The following TXLNG variants were observed in gnomAD, a reference collection of about 807,000 sequenced individuals.
TXLNG encodes the protein taxilin gamma, also known as gamma-taxilin.
In TXLNG, 5 loss-of-function variants were observed where a neutral mutation model predicts 38.8. That is an observed-to-expected ratio of 0.13 (90% confidence interval 0.07 to 0.27). The LOEUF is 0.27. Among genes scored for constraint, TXLNG ranks in the 10% least tolerant of loss-of-function variants. The pLI, the probability that TXLNG is intolerant of heterozygous loss-of-function variation, is 1.00. For synonymous variants in TXLNG, 182 were observed against 158.2 expected, an observed-to-expected ratio of 1.15 and a Z score of -1.13; for missense variants, 393 against 398.2, an observed-to-expected ratio of 0.99 and a Z score of 0.11.
At chrX:16,828,671 G>A (rs921732528) in intron 4 of TXLNG, among the ~76,000 whole-genome samples, 4 of 112,107 alleles carry the variant, frequency 3.6e-5, no homozygotes, top group African/African-American at 6.5e-5. Context: ...TGAGCTCCTG[G>A]GTGGAGCATT....
At chrX:16,791,498 A>G (rs1464122421) in intron 1 of TXLNG, among the ~76,000 whole-genome samples, 1 of 112,713 alleles carries the variant, frequency 8.9e-6, no homozygotes, top group East Asian at 2.7e-4. Flanking sequence ...AACCAGATAC[A>G]GCATATTCTG....
chrX:16,792,647 G>A (rs1443484441), intron 1 of TXLNG, among the ~76,000 whole-genome samples: 1 of 109,770 alleles, frequency 9.1e-6, no homozygotes, highest in Admixed American at 9.9e-5. Context: ...TAGGCACATT[G>A]GTATGTGCCT....
chrX:16,834,239 T>C (rs1445360075), intron 6 of TXLNG, 44 bp from the exon 7 acceptor site: 1 of 1,080,932 alleles, frequency 9.3e-7, no homozygotes, highest in East Asian at 3.0e-5. Context: ...TAGTCCTGCT[T>C]GTAATTACCA....
rs1929953702 is a variant in TXLNG at position 16,843,579 on chromosome X, TA to T, written c.*1817del. On this transcript the variant is annotated 3_prime_UTR_variant, in exon 10 of 10. Transcript: ENST00000380122. ...TATAGATCAGAAATATAATCCACCT[TA>T]AAATTAGTACTAATGATCACATTAT... 8.9e-6 allele frequency: 1 copy of T among 111,861 alleles called. No individual in the cohort carries two copies. Among genetic ancestry groups the T allele is most frequent in the African/African-American group, 3.3e-5 (1 of 30,720 alleles). 9.2% of individuals were successfully genotyped at this position (111,861 alleles called of 1,213,427 possible). A position where few individuals can be genotyped will look rare whatever the true frequency, so the allele number is the denominator to read the frequency against.
At chrX:16,839,521 A>C (rs1240121380) in intron 8 of TXLNG, 1 of 157,530 alleles carries the variant, frequency 6.3e-6, no homozygotes, top group Non-Finnish European at 1.2e-5. Flanking sequence ...AACTGAGTTC[A>C]GAGTGTGGTG....
At chrX:16,838,898 C>T (rs1291864625) in intron 8 of TXLNG, among the ~76,000 whole-genome samples, 1 of 111,854 alleles carries the variant, frequency 8.9e-6, no homozygotes, top group African/African-American at 3.3e-5. Flanking sequence ...CAACCTAGGT[C>T]TTCCACCAGC....
intron 3 of TXLNG, among the ~76,000 whole-genome samples, chrX:16,825,807 G>A (rs1929145481): frequency 8.9e-6 from 1 of 111,954 alleles, no homozygotes; most frequent in Non-Finnish European, 1.9e-5. Flanking sequence ...GAGACCATAT[G>A]TGGCCTGCAG....
chrX:16,823,406 C>T (rs1267286273), intron 3 of TXLNG, among the ~76,000 whole-genome samples: 1 of 98,134 alleles, frequency 1.0e-5, no homozygotes, highest in Admixed American at 1.2e-4. Flanking sequence ...TGTGGTGAGC[C>T]GAGATCGTGC....
intron 4 of TXLNG, among the ~76,000 whole-genome samples, chrX:16,829,309 G>T (rs758118838): frequency 9.0e-6 from 1 of 111,535 alleles, no homozygotes; most frequent in African/African-American, 3.3e-5. Flanking sequence ...CTGTGTAACC[G>T]GCGAGTATTG....
rs749477458 is a variant in TXLNG at position 16,788,259 on chromosome X, GA to G, written c.102+1672del. 5.1e-3 allele frequency among the ~76,000 whole-genome samples: 570 copies of G among 112,263 alleles called. 5 individuals are homozygous for G. Among genetic ancestry groups the G allele is most frequent in the African/African-American group, 0.018 (550 of 30,933 alleles). On this transcript the variant is annotated intron_variant, in intron 1 of 9. Transcript: ENST00000380122. ...TAAGGACAAAAAGTCGTTGAATTAGGAACTGAGGTTTAATCAACTAGCATTT... is the reference window on the plus strand; with the variant it reads ...TAAGGACAAAAAGTCGTTGAATTAGGACTGAGGTTTAATCAACTAGCATTT...
chrX:16,833,985 C>T (rs1251509492), intron 6 of TXLNG, among the ~76,000 whole-genome samples: 1 of 112,103 alleles, frequency 8.9e-6, no homozygotes, highest in African/African-American at 3.2e-5. Flanking sequence ...TAATACTGTA[C>T]ATGTAATTAT....
Position 16,841,660 on chromosome X carries a change from A to G in TXLNG, c.1481A>G (p.Lys494Arg). ...DSHKELNTSS[K>R]RALGAHLEAE... ...CACAAGGAGCTGAACACTTCCTCGAAAAGAGCCCTGGGAGCGCACCTGGAG... is the reference window on the plus strand; with the variant it reads ...CACAAGGAGCTGAACACTTCCTCGAGAAGAGCCCTGGGAGCGCACCTGGAG... Residue 494 changes from lysine to arginine, a missense_variant, in exon 10 of 10, where the codon AAA (lysine) becomes AGA (arginine). Physicochemically the swap from Lys to Arg is conservative, Grantham distance 26. Transcript: ENST00000380122. The G allele has an allele frequency of 8.3e-7, 1 of 1,211,784 alleles. No homozygotes were observed. Among genetic ancestry groups the G allele is most frequent in the Non-Finnish European group, 1.1e-6 (1 of 895,556 alleles).
chrX:16,837,720 A>G (rs758214798), intron 8 of TXLNG, 35 bp downstream of exon 8: 11 of 1,044,246 alleles, frequency 1.1e-5, no homozygotes, highest in Non-Finnish European at 1.4e-5. Context: ...AGTATATCAA[A>G]TGGAATTTGT....
At chrX:16,832,505 C>T in intron 5 of TXLNG, 118 bp from the exon 6 acceptor site, 1 of 962,825 alleles carries the variant, frequency 1.0e-6, no homozygotes, top group Non-Finnish European at 1.4e-6. Flanking sequence ...GTGTTCTTAG[C>T]TGCAGTGGTA....
At chrX:16,836,531 GACTA>G (rs775765320) in intron 7 of TXLNG, among the ~76,000 whole-genome samples, 6 of 112,402 alleles carry the variant, frequency 5.3e-5, no homozygotes, top group Non-Finnish European at 1.1e-4. Context: ...ACTGTGAGAT[GACTA>G]ACTTTCAGTT....
rs757282957 is a variant in TXLNG, at chrX:16,829,616, G to T, written c.710G>T (p.Arg237Leu). ...CAGGCACGAGAGGAAGAAGAACGAC[G>T]TAAAGAAGCAACTGCACATTTCCAG... ...MQQAREEEER[R>L]KEATAHFQIT... Residue 237 changes from arginine (R) to leucine (L), a missense_variant, in exon 5 of 10, where the codon CGT (arginine) becomes CTT (leucine). Transcript: ENST00000380122. The T allele has an allele frequency of 2.3e-5, 28 of 1,211,591 alleles. No individual in the cohort carries two copies. Among genetic ancestry groups the T allele is most frequent in the Non-Finnish European group, 3.1e-5 (28 of 895,460 alleles).
chrX:16,807,640 A>G lies in TXLNG; in HGVS notation c.103-10934A>G, dbSNP rs144540388. Among the ~76,000 whole-genome samples the G allele has an allele frequency of 5.7e-3, 632 of 111,375 alleles. 2 individuals carry two copies. The highest frequency in any genetic ancestry group is 0.051 in the Middle Eastern group (11 of 217). On this transcript the variant is annotated intron_variant, in intron 1 of 9. Coordinates refer to ENST00000380122, the MANE Select transcript of TXLNG (RefSeq NM_018360.3). Reference sequence around the variant, plus strand: ...GCTAAAGGTTCCCTTTACTTATTTGATAAGTTCCTCCTAGACTGGGAATCT... The same window carrying G: ...GCTAAAGGTTCCCTTTACTTATTTGGTAAGTTCCTCCTAGACTGGGAATCT...
intron 2 of TXLNG, among the ~76,000 whole-genome samples, chrX:16,819,290 T>C (rs1928854424): frequency 9.0e-6 from 1 of 110,827 alleles, no homozygotes; most frequent in Admixed American, 9.7e-5. Flanking sequence ...TAATCGTCTC[T>C]TAAAGGTCTT....
intron 1 of TXLNG, among the ~76,000 whole-genome samples, chrX:16,797,722 C>T (rs909837748): frequency 8.9e-6 from 1 of 112,576 alleles, no homozygotes; most frequent in African/African-American, 3.2e-5. Context: ...ATGACATCTT[C>T]TCACTTTTGA....
Sources: allele counts gnomAD v4.1 joint callset (sites outside exome capture counted in the v4.1 genomes callset), GRCh38; gene constraint gnomAD v4.1.1; transcripts MANE v1.5; gene names NCBI Gene and HGNC (gene_info 2026-07-23, HGNC 2026-07-21).